The following MTF1 variants were observed in gnomAD, a reference collection of about 807,000 sequenced individuals.
MTF1 encodes the protein metal regulatory transcription factor 1.
Under a neutral mutation model 70.4 loss-of-function variants are expected in MTF1, and 22 were observed. The ratio of observed to expected loss-of-function variants is 0.31; its 90% CI spans 0.22 to 0.45. The LOEUF is 0.45. Ranked by LOEUF, MTF1 falls within the 20% of genes least tolerant of loss-of-function variation. The probability of loss-of-function intolerance (pLI) is 1.00; values close to 1 mark genes in which losing one functional copy is unlikely to be tolerated. For synonymous variants in MTF1, 333 were observed against 352.8 expected (o/e 0.94, Z 0.63); for missense variants, 649 against 922.0 (o/e 0.70, Z 3.83).
chr1:37,817,681 A>G (rs969088890), intron 9 of MTF1, among the ~76,000 whole-genome samples, 199 bp from the exon 10 acceptor site: 6 of 152,194 alleles, frequency 3.9e-5, no homozygotes, highest in African/African-American at 1.2e-4. Flanking sequence ...CTGACAACGT[A>G]GTTAGCTTTG....
At chr1:37,846,942 A>G (rs917883987) in intron 2 of MTF1, among the ~76,000 whole-genome samples, 2 of 152,168 alleles carry the variant, frequency 1.3e-5, no homozygotes, top group African/African-American at 4.8e-5. Flanking sequence ...CCTGGCTGTT[A>G]TGGCTATAGA....
At chr1:37,833,354 C>T (rs1641117176) in intron 6 of MTF1, among the ~76,000 whole-genome samples, 1 of 152,174 alleles carries the variant, frequency 6.6e-6, no homozygotes, top group African/African-American at 2.4e-5. Context: ...ATGGTCCTTC[C>T]ACCACTGTGT....
chr1:37,857,750 ACCGACGGACCTCCTCAGCAACCACAAGG>A, intron 1 of MTF1, 41 bp from the exon 2 acceptor site: 4 of 1,244,190 alleles, frequency 3.2e-6, no homozygotes, highest in Non-Finnish European at 4.5e-6. Context: ...ATACCACAAG[ACCGACGGACCTCCTCAGCAACCACAAGG>A]CTCATTTTCC....
At chr1:37,825,907 CT>C (rs1640995413) in intron 7 of MTF1, among the ~76,000 whole-genome samples, 1 of 152,158 alleles carries the variant, frequency 6.6e-6, no homozygotes, top group South Asian at 2.1e-4. Context: ...ATCAGTAAGG[CT>C]TCCAATCACA....
At chr1:37,859,439 G>C (rs942996282) in intron 1 of MTF1, 92 bp downstream of exon 1, 1 of 398,568 alleles carries the variant, frequency 2.5e-6, no homozygotes, top group Non-Finnish European at 4.4e-6. Context: ...ACCAAACTGA[G>C]GTCTCTATTG....
At chr1:37,833,017 AAATAAT>A (rs888586873) in intron 6 of MTF1, among the ~76,000 whole-genome samples, 4 of 151,432 alleles carry the variant, frequency 2.6e-5, no homozygotes, top group African/African-American at 9.7e-5. Flanking sequence ...AAAAAAAAAA[AAATAAT>A]AATAATAATA....
At chr1:37,834,892 A>G (rs1290913947) in intron 6 of MTF1, among the ~76,000 whole-genome samples, 187 bp downstream of exon 6, 2 of 152,244 alleles carry the variant, frequency 1.3e-5, no homozygotes, top group East Asian at 3.8e-4. Context: ...TGACAAGAGT[A>G]GATGATATCT....
rs1640764534 is a variant in MTF1, at chr1:37,813,305, G to A, written c.*1831C>T. 1.3e-5 allele frequency: 2 copies of A among 152,176 alleles called. No individual in the cohort carries two copies. The highest frequency in any genetic ancestry group is 2.9e-5 in the Non-Finnish European group (2 of 68,060). The allele number at this position is 152,176 out of a possible 1,614,324, so 9.4% of individuals were successfully genotyped here. On this transcript the variant is annotated 3_prime_UTR_variant, in exon 11 of 11. Transcript: ENST00000373036. ...AAAAAAAAAGAAGTCAATTATTCTG[G>A]CTAGGGTCCTGGAATGAGAAATTGG... is the stretch of plus-strand genomic sequence containing the variant.
intron 7 of MTF1, among the ~76,000 whole-genome samples, chr1:37,825,082 C>A (rs896375189): frequency 6.6e-6 from 1 of 152,102 alleles, no homozygotes; most frequent in Non-Finnish European, 1.5e-5. Flanking sequence ...CAACTGCCTA[C>A]AAAGTCCAGA....
intron 9 of MTF1, among the ~76,000 whole-genome samples, chr1:37,820,093 G>C (rs1224567802): frequency 6.6e-6 from 1 of 151,936 alleles, no homozygotes; most frequent in Non-Finnish European, 1.5e-5. Context: ...AGGCGGGCTG[G>C]GTCACAATAC....
At position 37,849,650 on chromosome 1, in the gene MTF1, A is replaced by T. The variant is rs115187703; in HGVS notation, c.408+7601T>A. Among the ~76,000 whole-genome samples, 118 of 152,304 alleles carry T rather than the reference A, an allele frequency of 7.7e-4. 2 individuals are homozygous for T. The highest frequency in any genetic ancestry group is 2.8e-3 in the African/African-American group (117 of 41,568). ...ACCAATGTAGTGCAGACAGAGGTAG[A>T]TGAACAGGTAACTAGACCGTCCTGG... On this transcript the variant is annotated intron_variant, in intron 2 of 10. Coordinates refer to ENST00000373036, the MANE Select transcript of MTF1 (RefSeq NM_005955.3).
intron 4 of MTF1, among the ~76,000 whole-genome samples, chr1:37,835,947 C>A (rs867346260): frequency 6.6e-6 from 1 of 151,948 alleles, no homozygotes; most frequent in Admixed American, 6.6e-5. Context: ...ACTACAGGTG[C>A]CCACCACCAC....
chr1:37,820,533 T>C (rs1316016417), intron 9 of MTF1, among the ~76,000 whole-genome samples: 1 of 152,234 alleles, frequency 6.6e-6, no homozygotes, highest in Non-Finnish European at 1.5e-5. Flanking sequence ...TGTTGTAATA[T>C]GTTAAAATGT....
intron 7 of MTF1, among the ~76,000 whole-genome samples, chr1:37,827,163 C>A (rs1006787139): frequency 6.6e-6 from 1 of 151,944 alleles, no homozygotes; most frequent in Admixed American, 6.6e-5. Flanking sequence ...ATGAAACAGA[C>A]CTTATCCTTA....
rs753114008 is a variant in MTF1, at chr1:37,815,258, C to A, written c.2140G>T (p.Ala714Ser). The A allele has an allele frequency of 1.2e-6, 2 of 1,614,098 alleles. No individual in the cohort carries two copies. The highest frequency in any genetic ancestry group is 4.5e-5 in the East Asian group (2 of 44,864). The change falls in exon 11 of 11, where the codon GCC becomes TCC. Residue 714 changes from alanine (A) to serine (S), a missense_variant. Around this residue, in one of 7 missense-constraint regions of MTF1, gnomAD observed 138 missense variants for 134.4 expected, o/e 1.03. Coordinates refer to ENST00000373036, the MANE Select transcript of MTF1 (RefSeq NM_005955.3). This position sits in a 1 kb window ranked among gnomAD's most constrained non-coding sequence, Gnocchi z 4.5. ...PSDPQTETLS[A>S]MDVSEFLSLQ... The stretch of plus-strand genomic sequence containing the variant: ...GATAGAAACTCTGACACATCCATGG[C>A]ACTTAATGTTTCTGTCTGAGGGTCT...
intron 7 of MTF1, among the ~76,000 whole-genome samples, chr1:37,824,702 A>T (rs771102627): frequency 1.3e-5 from 2 of 152,174 alleles, no homozygotes; most frequent in Admixed American, 1.3e-4. Context: ...CGTAAACAAC[A>T]ACAAAAAAAT....
chr1:37,846,048 T>C (rs1262011277), intron 2 of MTF1, among the ~76,000 whole-genome samples: 1 of 152,172 alleles, frequency 6.6e-6, no homozygotes, highest in East Asian at 1.9e-4. Flanking sequence ...GTTTTCATGG[T>C]TACATACAGG....
At chr1:37,838,145 G>A (rs1006917462) in intron 4 of MTF1, among the ~76,000 whole-genome samples, 82 of 152,152 alleles carry the variant, frequency 5.4e-4, no homozygotes, top group African/African-American at 1.9e-3. Flanking sequence ...ACTAAGCTAA[G>A]CATCCCTACC....
At chr1:37,832,868 C>T (rs950435238) in intron 6 of MTF1, among the ~76,000 whole-genome samples, 1 of 151,690 alleles carries the variant, frequency 6.6e-6, no homozygotes, top group Non-Finnish European at 1.5e-5. Flanking sequence ...TAGCTAGGCG[C>T]GGTGGTGTGT....
Sources: allele counts gnomAD v4.1 joint callset (sites outside exome capture counted in the v4.1 genomes callset), GRCh38; gene constraint gnomAD v4.1.1; regional missense constraint gnomAD v4.1.1; non-coding constraint Gnocchi (gnomAD v3.1); transcripts MANE v1.5; gene names NCBI Gene and HGNC (gene_info 2026-07-23, HGNC 2026-07-21).